Variants in GPHN observed in about 807,000 individuals in gnomAD.
GPHN encodes the protein gephyrin.
GPHN carries 17 observed loss-of-function variants against 95.5 expected under a neutral mutation model. That is an observed-to-expected ratio of 0.18 (90% confidence interval 0.12 to 0.27). The LOEUF (loss-of-function observed/expected upper bound fraction) is 0.27. GPHN is among the 10% of genes least tolerant of loss of function. The probability of loss-of-function intolerance (pLI) is 1.00; values close to 1 mark genes in which losing one functional copy is unlikely to be tolerated. For synonymous variants in GPHN, 320 were observed against 322.5 expected, an observed-to-expected ratio of 0.99 and a Z score of 0.08; for missense variants, 660 against 978.1, an observed-to-expected ratio of 0.67 and a Z score of 4.34.
At chr14:66,813,048 C>A (rs905722130) in intron 3 of GPHN, among the ~76,000 whole-genome samples, 10 of 152,146 alleles carry the variant, frequency 6.6e-5, no homozygotes, top group African/African-American at 2.4e-4. Context: ...ACTACCCTCA[C>A]TGACAGTCTG....
the GPHN span, among the ~76,000 whole-genome samples, chr14:67,480,377 G>A: frequency 6.6e-6 from 1 of 152,112 alleles, no homozygotes; most frequent in Non-Finnish European, 1.5e-5. Flanking sequence ...CAGACATCCC[G>A]GGAGACTGAA....
intron 1 of GPHN, among the ~76,000 whole-genome samples, chr14:66,562,893 G>A (rs1227110801): frequency 6.6e-6 from 1 of 151,966 alleles, no homozygotes; most frequent in Admixed American, 6.6e-5. Flanking sequence ...GTGTGTGTGT[G>A]TGCGCAAACT....
chr14:67,691,019 A>G, the GPHN span: 1 of 717,442 alleles, frequency 1.4e-6, no homozygotes, highest in Non-Finnish European at 2.5e-6. Flanking sequence ...ACTATTATGC[A>G]CACATGGTCT....
chr14:66,760,792 A>G (rs903792806), intron 2 of GPHN: 4 of 502,394 alleles, frequency 8.0e-6, no homozygotes, highest in African/African-American at 7.8e-5. Flanking sequence ...GCTATGGAAT[A>G]AAAGTATTGA....
the GPHN span, among the ~76,000 whole-genome samples, chr14:67,258,959 C>G: frequency 1.1e-3 from 162 of 152,160 alleles, no homozygotes; most frequent in African/African-American, 3.7e-3. Context: ...TTTCCTGCCT[C>G]ACCCTCCCGA....
the GPHN span, among the ~76,000 whole-genome samples, chr14:67,699,589 C>CAA: frequency 0.019 from 974 of 49,996 alleles, 42 homozygotes; most frequent in African/African-American, 0.053. Context: ...GACCCTATCT[C>CAA]AAAAAAAAAA....
intron 2 of GPHN, among the ~76,000 whole-genome samples, chr14:66,763,017 A>G (rs1309281124): frequency 6.6e-6 from 1 of 152,160 alleles, no homozygotes; most frequent in Non-Finnish European, 1.5e-5. Flanking sequence ...AATGTCTTCT[A>G]TCTTCAATTT....
At chr14:66,789,428 C>T (rs2059897027) in intron 3 of GPHN, among the ~76,000 whole-genome samples, 1 of 152,182 alleles carries the variant, frequency 6.6e-6, no homozygotes, top group Non-Finnish European at 1.5e-5. Context: ...ACATCATACA[C>T]ACAACACATA....
chr14:67,302,123 G>GTA, the GPHN span: 1 of 1,598,190 alleles, frequency 6.3e-7, no homozygotes, highest in Non-Finnish European at 8.5e-7. Flanking sequence ...CCGTTGGTAA[G>GTA]TGTCCCACAT....
intron 6 of GPHN, among the ~76,000 whole-genome samples, chr14:66,917,627 C>A (rs1400619344): frequency 6.6e-6 from 1 of 152,220 alleles, no homozygotes; most frequent in Non-Finnish European, 1.5e-5. Flanking sequence ...TCCTCCTGCA[C>A]AGTCTATTCC....
the GPHN span, chr14:67,562,226 C>G: frequency 1.2e-6 from 2 of 1,612,176 alleles, no homozygotes; most frequent in East Asian, 2.2e-5. Flanking sequence ...GGGAATCCAG[C>G]CTATGGGCCA....
chr14:67,734,563 A>C, the GPHN span: 2 of 155,892 alleles, frequency 1.3e-5, no homozygotes, highest in African/African-American at 4.8e-5. Flanking sequence ...GGGAATTGGG[A>C]ATAGCAAGGG....
intron 8 of GPHN, among the ~76,000 whole-genome samples, chr14:66,929,941 G>A (rs1232879538): frequency 6.6e-6 from 1 of 152,066 alleles, no homozygotes; most frequent in African/African-American, 2.4e-5. Flanking sequence ...TCGATCTCCT[G>A]ACCACATGAT....
the GPHN span, among the ~76,000 whole-genome samples, chr14:67,512,288 C>A: frequency 6.6e-6 from 1 of 152,168 alleles, no homozygotes; most frequent in Non-Finnish European, 1.5e-5. Context: ...TTACACTTTA[C>A]TTTTCAAATA....
intron 10 of GPHN, among the ~76,000 whole-genome samples, chr14:67,035,031 T>G (rs570502660): frequency 6.6e-6 from 1 of 152,138 alleles, no homozygotes; most frequent in South Asian, 2.1e-4. Context: ...AAACAAGTCT[T>G]AACAAAGTTA....
chr14:67,382,290 G>A, the GPHN span: 12 of 526,026 alleles, frequency 2.3e-5, no homozygotes, highest in South Asian at 3.6e-4. Context: ...AAACGTAATT[G>A]CCAATTCTGT....
intron 1 of GPHN, among the ~76,000 whole-genome samples, chr14:66,511,012 G>A (rs919375248): frequency 6.6e-6 from 1 of 152,142 alleles, no homozygotes; most frequent in Non-Finnish European, 1.5e-5. Flanking sequence ...AGGAAAATAG[G>A]TTTTGATGAT....
At chr14:67,375,215 C>T in the GPHN span, among the ~76,000 whole-genome samples, 1 of 149,720 alleles carries the variant, frequency 6.7e-6, no homozygotes, top group East Asian at 2.0e-4. Flanking sequence ...TATCCTTCAT[C>T]CTCTACATCC....
chr14:67,375,658 G>T, the GPHN span, among the ~76,000 whole-genome samples: 2 of 152,146 alleles, frequency 1.3e-5, no homozygotes, highest in Non-Finnish European at 2.9e-5. Flanking sequence ...TGTATTTACA[G>T]TTATGCAGTG....
Sources: gnomAD v4.1 joint callset for allele counts (sites outside exome capture counted in the v4.1 genomes callset) on GRCh38, gnomAD v4.1.1 for gene constraint, MANE v1.5 for transcripts, NCBI Gene and HGNC (gene_info 2026-07-23, HGNC 2026-07-21) for gene names.